ALPK1: variants seen among roughly 807,000 people sequenced by gnomAD.
ALPK1 encodes alpha-protein kinase 1.
In ALPK1, 110 loss-of-function variants were observed where a neutral mutation model predicts 120.6. The observed-to-expected ratio is 0.91, with a 90% CI of 0.78 to 1.07. The LOEUF is 1.07. Ranked by LOEUF, ALPK1 falls within the 50% of genes least tolerant of loss-of-function variation. ALPK1 has a pLI of 0.00. For synonymous variants in ALPK1, 582 were observed against 560.3 expected (o/e 1.04, Z -0.55); for missense variants, 1,498 against 1,483.9 (o/e 1.01, Z -0.16).
chr4:112,392,266 C>T (rs941964314), intron 4 of ALPK1, among the ~76,000 whole-genome samples: 14 of 152,100 alleles, frequency 9.2e-5, no homozygotes, highest in African/African-American at 3.1e-4. Flanking sequence ...TTATCCACCC[C>T]CAGCGATCAC....
At chr4:112,306,061 A>G (rs942898878) in intron 1 of ALPK1, among the ~76,000 whole-genome samples, 2 of 151,950 alleles carry the variant, frequency 1.3e-5, no homozygotes, top group Non-Finnish European at 2.9e-5. Context: ...CTATTGATTT[A>G]TGTATGTTGA....
chr4:112,441,522 T>C lies in ALPK1; in HGVS notation c.*312T>C, dbSNP rs773172195. 2.6e-5 allele frequency: 10 copies of C among 381,388 alleles called. No homozygotes were observed. Among genetic ancestry groups the C allele is most frequent in the Non-Finnish European group, 4.3e-5 (9 of 210,648 alleles). 23.6% of individuals were successfully genotyped at this position (381,388 alleles called of 1,614,324 possible). A position where few individuals can be genotyped will look rare whatever the true frequency, so the allele number is the denominator to read the frequency against. On this transcript the variant is annotated 3_prime_UTR_variant, in exon 16 of 16. Transcript: ENST00000650871. Reference sequence around the variant, plus strand: ...GAGATTTTAGAGCTTTTTGTCACTATCTGTCAAGACTGATACTACTGGGGC... The same window carrying C: ...GAGATTTTAGAGCTTTTTGTCACTACCTGTCAAGACTGATACTACTGGGGC...
At chr4:112,357,166 C>A in intron 2 of ALPK1, 1 of 1,523,994 alleles carries the variant, frequency 6.6e-7, no homozygotes. Context: ...AGCCAGGGAG[C>A]TACATCTTTG....
At chr4:112,324,356 G>A (rs1207191949) in intron 2 of ALPK1, among the ~76,000 whole-genome samples, 1 of 148,892 alleles carries the variant, frequency 6.7e-6, no homozygotes, top group Non-Finnish European at 1.5e-5. Context: ...AAAAAAGCCT[G>A]CTCTTTGTCC....
chr4:112,433,722 G>T (rs776933382), intron 11 of ALPK1, among the ~76,000 whole-genome samples: 3 of 151,956 alleles, frequency 2.0e-5, no homozygotes, highest in Non-Finnish European at 4.4e-5. Context: ...TGATTTGAAT[G>T]ATTAAAAAAA....
rs1733486679 is a variant in ALPK1, at chr4:112,411,868, T to G, written c.318T>G (p.Ala106=). ...RASILARDCA[A]AAAIVFLVDR... ...CCATCCTCGCTCGGGACTGTGCGGC[T>G]GCGGCGGCTATTGTGTTCTTGGTGG... Residue 106 remains alanine, a synonymous_variant, in exon 5 of 16, where the codon GCT becomes GCG. Transcript: ENST00000650871. 6.2e-7 allele frequency: 1 copy of G among 1,613,322 alleles called. No individual in the cohort carries two copies. Among genetic ancestry groups the G allele is most frequent in the Non-Finnish European group, 8.5e-7 (1 of 1,179,864 alleles).
At chr4:112,356,425 C>T (rs1730616018) in intron 2 of ALPK1, 11 of 878,532 alleles carry the variant, frequency 1.3e-5, no homozygotes, top group South Asian at 1.2e-4. Context: ...AATGGAGACC[C>T]CTTAGCTTGC....
chr4:112,412,517 T>C (rs1733532439), intron 5 of ALPK1: 4 of 435,892 alleles, frequency 9.2e-6, no homozygotes, highest in South Asian at 6.6e-5. Flanking sequence ...CCTGATTAGG[T>C]CTTAAAGTAT....
At chr4:112,395,780 T>C (rs1408391604) in intron 4 of ALPK1, among the ~76,000 whole-genome samples, 1 of 152,230 alleles carries the variant, frequency 6.6e-6, no homozygotes, top group African/African-American at 2.4e-5. Flanking sequence ...TTAATGACGG[T>C]CACAGTTGAA....
At chr4:112,309,886 A>G (rs1313267696) in intron 1 of ALPK1, among the ~76,000 whole-genome samples, 12 of 152,104 alleles carry the variant, frequency 7.9e-5, no homozygotes, top group Admixed American at 7.9e-4. Context: ...GCTTTCTACT[A>G]AAGTCAGTGG....
chr4:112,401,341 G>T (rs1732906357), intron 4 of ALPK1, among the ~76,000 whole-genome samples: 1 of 152,192 alleles, frequency 6.6e-6, no homozygotes, highest in Non-Finnish European at 1.5e-5. Flanking sequence ...AATTGTATGG[G>T]TGTCCCAGAA....
intron 2 of ALPK1, chr4:112,356,697 C>A: frequency 1.0e-6 from 1 of 975,504 alleles, no homozygotes. Context: ...CTGGCCAGCC[C>A]CATCCTGGAC....
chr4:112,308,396 A>C (rs898825415), intron 1 of ALPK1, among the ~76,000 whole-genome samples: 2 of 152,108 alleles, frequency 1.3e-5, no homozygotes, highest in African/African-American at 2.4e-5. Flanking sequence ...AATCAGACAT[A>C]GATTTGGTCT....
At position 112,439,863 on chromosome 4, in the gene ALPK1, G is replaced by T; in HGVS notation, c.3529G>T (p.Asp1177Tyr). The T allele has an allele frequency of 6.3e-7, 1 of 1,595,414 alleles. No individual in the cohort carries two copies. The highest frequency in any genetic ancestry group is 1.4e-5 in the African/African-American group (1 of 73,822). ...EFSNHRDVVV[D>Y]LQGWVTGNGK... ...TTCTAATCATAGAGATGTTGTGGTC[G>T]ATTTACAAGGTATGTGAAACTGGGA... The change falls in exon 14 of 16, where the codon GAT becomes TAT. Residue 1177 changes from aspartate (D) to tyrosine (Y), a missense_variant. Physicochemically the swap from Asp to Tyr is radical, Grantham distance 160. Coordinates refer to ENST00000650871, the MANE Select transcript of ALPK1 (RefSeq NM_025144.4).
At chr4:112,396,150 C>G (rs910427254) in intron 4 of ALPK1, among the ~76,000 whole-genome samples, 1 of 152,132 alleles carries the variant, frequency 6.6e-6, no homozygotes, top group Non-Finnish European at 1.5e-5. Context: ...GAAGTAAATA[C>G]TTCCAGCCCT....
Position 112,376,397 on chromosome 4 carries a change from A to ATG in ALPK1, c.-100-1265_-100-1264dup, listed in dbSNP as rs377573380. Reference sequence around the variant, plus strand: ...TCTAGCTCTGTAATGTATGTGTGTAATGTGTGTGTGTGTGTGTTTAAACAC... The same window carrying ATG: ...TCTAGCTCTGTAATGTATGTGTGTAATGTGTGTGTGTGTGTGTGTTTAAACAC... On this transcript the variant is annotated intron_variant, in intron 2 of 15. Transcript: ENST00000650871. Among the ~76,000 whole-genome samples the ATG allele has an allele frequency of 3.0e-3, 459 of 151,622 alleles. 5 individuals are homozygous for ATG. The highest frequency in any genetic ancestry group is 8.3e-3 in the African/African-American group (344 of 41,396).
At chr4:112,354,063 TC>T (rs767850857) in intron 2 of ALPK1, among the ~76,000 whole-genome samples, 4 of 152,166 alleles carry the variant, frequency 2.6e-5, no homozygotes, top group Non-Finnish European at 5.9e-5. Context: ...TTGGTCTTTT[TC>T]TCATTGATTT....
At chr4:112,360,999 C>T (rs933338461) in intron 2 of ALPK1, among the ~76,000 whole-genome samples, 1 of 151,672 alleles carries the variant, frequency 6.6e-6, no homozygotes, top group African/African-American at 2.4e-5. Flanking sequence ...GTTGGCCCTT[C>T]CTATTCTCAA....
chr4:112,350,147 G>GTTT (rs1461566898), intron 2 of ALPK1, among the ~76,000 whole-genome samples: 31 of 152,288 alleles, frequency 2.0e-4, no homozygotes, highest in African/African-American at 5.5e-4. Context: ...TTCTGCTCCT[G>GTTT]TTATTTCAGA....
Sources: allele counts gnomAD v4.1 joint callset (sites outside exome capture counted in the v4.1 genomes callset), GRCh38; gene constraint gnomAD v4.1.1; transcripts MANE v1.5; gene names NCBI Gene and HGNC (gene_info 2026-07-23, HGNC 2026-07-21).